The following PLEKHG7 variants were observed in gnomAD, a reference collection of about 807,000 sequenced individuals.
PLEKHG7 encodes the protein pleckstrin homology domain-containing family G member 7.
A neutral mutation model predicts 85.2 loss-of-function variants in PLEKHG7; 77 were observed. The ratio of observed to expected loss-of-function variants is 0.90; its 90% CI spans 0.75 to 1.09. The LOEUF is 1.09. Among genes scored for constraint, PLEKHG7 ranks in the 50% least tolerant of loss-of-function variants. PLEKHG7 has a pLI of 0.00. For synonymous variants in PLEKHG7, 301 were observed against 302.4 expected (o/e 1.00, Z 0.05); for missense variants, 777 against 804.3 (o/e 0.97, Z 0.41).
At chr12:92,749,907 A>ATTTAT (rs5800080) in intron 10 of PLEKHG7, among the ~76,000 whole-genome samples, 48,486 of 121,552 alleles carry the variant, frequency 0.4, 10,517 homozygotes, top group Non-Finnish European at 0.45. Context: ...ATTTTATTTC[A>ATTTAT]TTTATTTTAT....
intron 11 of PLEKHG7, among the ~76,000 whole-genome samples, chr12:92,754,693 G>T (rs959529669): frequency 6.6e-6 from 1 of 152,162 alleles, no homozygotes; most frequent in African/African-American, 2.4e-5. Context: ...GGTCAATATG[G>T]AACTACTGCC....
In PLEKHG7 at chr12:92,767,342, G is replaced by A. The variant is rs529631203; in HGVS notation, c.1871-1641G>A. On this transcript the variant is annotated intron_variant, in intron 15 of 16. Transcript: ENST00000344636. ...CTTGTACCCATACTACAAACCAAAT[G>A]AAGCAAGGATGCCTGGAATAACCTG... is the stretch of plus-strand genomic sequence containing the variant. Among the ~76,000 whole-genome samples the A allele has an allele frequency of 3.9e-5, 6 of 152,270 alleles. No individual in the cohort carries two copies. In the South Asian group the frequency reaches 1.2e-3, roughly 32 times the overall value.
At chr12:92,712,713 C>T (rs551312959) in intron 3 of PLEKHG7, among the ~76,000 whole-genome samples, 58 of 152,224 alleles carry the variant, frequency 3.8e-4, no homozygotes, top group African/African-American at 1.3e-3. Context: ...TCCGTAATAG[C>T]CCTCACCCTA....
chr12:92,717,137 A>C (rs1273265561), intron 3 of PLEKHG7, among the ~76,000 whole-genome samples: 1 of 152,238 alleles, frequency 6.6e-6, no homozygotes, highest in Non-Finnish European at 1.5e-5. Context: ...CCTGAAAGAG[A>C]GAAGAGAAAC....
At chr12:92,734,163 T>C (rs1436738487) in intron 5 of PLEKHG7, among the ~76,000 whole-genome samples, 1 of 152,206 alleles carries the variant, frequency 6.6e-6, no homozygotes, top group Non-Finnish European at 1.5e-5. Flanking sequence ...CTTAGCCTTA[T>C]TTATCATGTA....
At chr12:92,766,630 G>T (rs1873205589) in intron 15 of PLEKHG7, among the ~76,000 whole-genome samples, 1 of 151,984 alleles carries the variant, frequency 6.6e-6, no homozygotes, top group African/African-American at 2.4e-5. Flanking sequence ...ATCACTTGAG[G>T]TCAGGAGTTC....
rs1872694898 is a variant in PLEKHG7 at position 92,751,705 on chromosome 12, T to C, written c.1252-2385T>C. ...ATTGAATTTGGCAGAATCCCCATGA[T>C]GAAGAGCCCAGGATGTTTTCCAAAA... is the stretch of plus-strand genomic sequence containing the variant. On this transcript the variant is annotated intron_variant, in intron 10 of 16. Transcript: ENST00000344636. Among the ~76,000 whole-genome samples the C allele has an allele frequency of 1.3e-5, 2 of 151,614 alleles. 1 individual carries two copies. Among genetic ancestry groups the C allele is most frequent in the Non-Finnish European group, 2.9e-5 (2 of 67,894 alleles).
chr12:92,767,002 C>G (rs1873220694), intron 15 of PLEKHG7, among the ~76,000 whole-genome samples: 1 of 152,078 alleles, frequency 6.6e-6, no homozygotes, highest in Non-Finnish European at 1.5e-5. Flanking sequence ...TAAATGAGGA[C>G]AAGAGAGAGA....
intron 10 of PLEKHG7, among the ~76,000 whole-genome samples, chr12:92,751,526 T>G (rs899427998): frequency 7.9e-6 from 1 of 126,438 alleles, no homozygotes; most frequent in East Asian, 3.4e-4. Flanking sequence ...CCACCATGCC[T>G]GGCTAATTTT....
At chr12:92,768,020 C>A (rs551985069) in intron 15 of PLEKHG7, among the ~76,000 whole-genome samples, 1 of 152,032 alleles carries the variant, frequency 6.6e-6, no homozygotes, top group Non-Finnish European at 1.5e-5. Flanking sequence ...GCCTGGCCAA[C>A]AAAGTGAAAC....
intron 10 of PLEKHG7, among the ~76,000 whole-genome samples, chr12:92,752,338 G>A (rs547710111): frequency 2.4e-4 from 37 of 152,218 alleles, no homozygotes; most frequent in African/African-American, 8.2e-4. Context: ...AACTAACATA[G>A]GAAACCAAGG....
chr12:92,742,405 C>T (rs750689782), intron 9 of PLEKHG7, among the ~76,000 whole-genome samples: 2 of 152,010 alleles, frequency 1.3e-5, no homozygotes, highest in East Asian at 3.9e-4. Context: ...CAAAGGAAAC[C>T]TTGTAAGTTG....
chr12:92,705,886 C>T (rs1555193669), intron 1 of PLEKHG7, among the ~76,000 whole-genome samples: 5 of 152,214 alleles, frequency 3.3e-5, no homozygotes, highest in Non-Finnish European at 7.3e-5. Flanking sequence ...CAATCATGAA[C>T]AGTAGGGTAC....
intron 15 of PLEKHG7, among the ~76,000 whole-genome samples, chr12:92,764,884 G>A (rs1311723249): frequency 6.6e-6 from 1 of 152,108 alleles, no homozygotes; most frequent in East Asian, 1.9e-4. Context: ...CTGGGACTCT[G>A]AGTTACTCAA....
chr12:92,760,525 A>G (rs534712847), intron 13 of PLEKHG7, among the ~76,000 whole-genome samples: 96 of 152,200 alleles, frequency 6.3e-4, no homozygotes, highest in Non-Finnish European at 1.2e-3. Flanking sequence ...AACAATATAT[A>G]TATATAATCT....
chr12:92,727,739 C>G (rs111275323), intron 3 of PLEKHG7, among the ~76,000 whole-genome samples: 8,654 of 152,010 alleles, frequency 0.057, 344 homozygotes, highest in Non-Finnish European at 0.091. Context: ...CAGGCATGCA[C>G]CACCATGCCC....
chr12:92,770,264 G>T lies in PLEKHG7; in HGVS notation c.*69G>T. 1.7e-6 allele frequency: 2 copies of T among 1,159,778 alleles called. No individual in the cohort carries two copies. The highest frequency in any genetic ancestry group is 2.3e-5 in the Admixed American group (1 of 42,858). The allele number at this position is 1,159,778 out of a possible 1,614,324, so 71.8% of individuals were successfully genotyped here. ...AAGGTATAATTTCATTCAAAGTTTTGTAACACTTAGCTAGTGATAAGCTAG... is the reference window on the plus strand; with the variant it reads ...AAGGTATAATTTCATTCAAAGTTTTTTAACACTTAGCTAGTGATAAGCTAG... On this transcript the variant is annotated 3_prime_UTR_variant, in exon 17 of 17. Transcript: ENST00000344636.
chr12:92,745,629 A>G (rs777100309), intron 10 of PLEKHG7, 38 bp downstream of exon 10: 20 of 1,468,316 alleles, frequency 1.4e-5, no homozygotes, highest in Non-Finnish European at 1.9e-5. Flanking sequence ...ATTTTTGCTG[A>G]TGCTTTTTGG....
At chr12:92,746,221 A>G (rs1872529926) in intron 10 of PLEKHG7, among the ~76,000 whole-genome samples, 1 of 152,190 alleles carries the variant, frequency 6.6e-6, no homozygotes, top group Non-Finnish European at 1.5e-5. Context: ...GAACCTTTTC[A>G]GTCCTGTGCC....
Sources: allele counts gnomAD v4.1 joint callset (sites outside exome capture counted in the v4.1 genomes callset), GRCh38; gene constraint gnomAD v4.1.1; transcripts MANE v1.5; gene names NCBI Gene and HGNC (gene_info 2026-07-23, HGNC 2026-07-21).